Variants in TRPT1 observed in about 807,000 individuals in gnomAD.
TRPT1 encodes the protein tRNA phosphotransferase 1, also known as tRNA 2'-phosphotransferase 1.
In TRPT1, 22 loss-of-function variants were observed where a neutral mutation model predicts 28.4. That is an observed-to-expected ratio of 0.78 (90% CI 0.55 to 1.11). The LOEUF is 1.11. TRPT1 is among the 50% of genes least tolerant of loss of function. The pLI, the probability that TRPT1 is intolerant of heterozygous loss-of-function variation, is 0.00. For synonymous variants in TRPT1, 137 were observed against 132.4 expected (o/e 1.03, Z -0.24); for missense variants, 308 against 317.7 (o/e 0.97, Z 0.23).
At chr11:64,225,011 G>A (rs1276961033) in intron 3 of TRPT1, 41 bp from the exon 4 acceptor site, 2 of 1,539,286 alleles carry the variant, frequency 1.3e-6, no homozygotes, top group Non-Finnish European at 1.7e-6. Flanking sequence ...CCTTGCTCTG[G>A]ACTGGGCCAG....
In TRPT1 at chr11:64,224,299, G is replaced by T. The variant is rs1370032646; in HGVS notation, c.545C>A (p.Pro182His). ...HCEIAVFIDG[P>H]LALADGIPFF... ...TCCAGACTCACCTGCCAGAGCCAGGGGTCCATCGATGAACACAGCTATTTC... is the reference window on the plus strand; with the variant it reads ...TCCAGACTCACCTGCCAGAGCCAGGTGTCCATCGATGAACACAGCTATTTC... Residue 182 changes from proline (P) to histidine (H), a missense_variant, in exon 6 of 8, where the codon CCC (proline) becomes CAC (histidine). Physicochemically the swap from Pro to His is moderately conservative, Grantham distance 77. Transcript: ENST00000317459. 6.2e-7 allele frequency: 1 copy of T among 1,613,822 alleles called. No individual in the cohort carries two copies. The highest frequency in any genetic ancestry group is 2.2e-5 in the East Asian group (1 of 44,890).
chr11:64,225,890 G>C, intron 1 of TRPT1, 21 bp from the exon 2 acceptor site: 1 of 1,433,074 alleles, frequency 7.0e-7, no homozygotes, highest in Non-Finnish European at 9.6e-7. Flanking sequence ...CAGTGACGAG[G>C]GGGGACTGCT....
In TRPT1 at chr11:64,223,856, C is replaced by A; in HGVS notation, c.*20G>T. 2.7e-6 allele frequency: 4 copies of A among 1,504,928 alleles called. No individual in the cohort carries two copies. Among genetic ancestry groups the A allele is most frequent in the South Asian group, 1.3e-5 (1 of 79,458 alleles). 93.2% of individuals were successfully genotyped at this position (1,504,928 alleles called of 1,614,324 possible). ...TCTTTCTTGTTACTTTTTAAAATTT[C>A]TTTTTTATAAATTAATATTTTATTG... On this transcript the variant is annotated 3_prime_UTR_variant, in exon 8 of 8. Coordinates refer to ENST00000317459, the MANE Select transcript of TRPT1 (RefSeq NM_001033678.4).
rs772104416 is a variant in TRPT1, at chr11:64,224,128, G to T, written c.642C>A (p.Phe214Leu). The T allele has an allele frequency of 6.2e-7, 1 of 1,607,814 alleles. No individual in the cohort carries two copies. Among genetic ancestry groups the T allele is most frequent in the East Asian group, 2.2e-5 (1 of 44,772 alleles). The change falls in exon 7 of 8, where the codon TTC becomes TTA. Residue 214 changes from phenylalanine (F) to leucine (L), a missense_variant. By Grantham distance (22) the Phe-to-Leu change is conservative (BLOSUM62 0). Coordinates refer to ENST00000317459, the MANE Select transcript of TRPT1 (RefSeq NM_001033678.4). ...TAGGGCGTAGCTGCAGGGCCTCCTT[G>T]AAGTACTTGGGAAGGAGGAAGCCAT... Reference protein sequence around the residue: ...NTDGFLLPKYFKEALQLRPTR... With the variant: ...NTDGFLLPKYLKEALQLRPTR...
intron 3 of TRPT1, chr11:64,225,230 C>T (rs577743805): frequency 1.6e-6 from 1 of 611,220 alleles, no homozygotes. Flanking sequence ...CCAGCTGCAC[C>T]GTATCCTCCA....
At position 64,224,610 on chromosome 11, in the gene TRPT1, C is replaced by G. The variant is rs777222441; in HGVS notation, c.435G>C (p.Leu145=). Residue 145 remains leucine, a synonymous_variant, in exon 5 of 8, where the codon CTG becomes CTC. Transcript: ENST00000317459. The part of the protein sequence containing the change: ...KHWPSILLKG[L]SCQGRTHIHL... ...GAATGTGCGTCCTTCCCTGGCAGGACAGGCCTTTGAGTAGGATGGATGGCC... is the reference window on the plus strand; with the variant it reads ...GAATGTGCGTCCTTCCCTGGCAGGAGAGGCCTTTGAGTAGGATGGATGGCC... 63 of 1,605,028 alleles carry G rather than the reference C, an allele frequency of 3.9e-5. No homozygotes were observed. Among genetic ancestry groups the G allele is most frequent in the Non-Finnish European group, 5.2e-5 (61 of 1,174,966 alleles).
chr11:64,225,515 C>T lies in TRPT1; in HGVS notation c.141G>A (p.Gly47=). 2.5e-6 allele frequency: 4 copies of T among 1,613,094 alleles called. No homozygotes were observed. The highest frequency in any genetic ancestry group is 3.4e-6 in the Non-Finnish European group (4 of 1,179,716). Residue 47 remains glycine, a synonymous_variant, in exon 3 of 8, where the codon GGG becomes GGA. Coordinates refer to ENST00000317459, the MANE Select transcript of TRPT1 (RefSeq NM_001033678.4). ...CCTACTTACCAGCTCCCATGGGAAG[C>T]CCCAGCTTCAAGGCCCCATGGCGCA... The part of the protein sequence containing the change: ...YALRHGALKL[G]LPMGADGFVP...
In TRPT1 at chr11:64,224,655, A is replaced by G; in HGVS notation, c.390T>C (p.His130=). 3.1e-6 allele frequency: 5 copies of G among 1,607,650 alleles called. No homozygotes were observed. The highest frequency in any genetic ancestry group is 4.3e-6 in the Non-Finnish European group (5 of 1,176,250). ...ATGGCCAGTGCTTCCAGAATGTACC[A>G]TGGACTAGCATCGGGGGCAGGGCCT... ...TPQALPPMLV[H]GTFWKHWPSI... is the part of the protein sequence containing the mutation. Residue 130 remains histidine (H), a synonymous_variant, in exon 5 of 8, where the codon CAT becomes CAC. Transcript: ENST00000317459.
Position 64,224,287 on chromosome 11 carries a change from G to A in TRPT1, c.557C>T (p.Ala186Val), listed in dbSNP as rs1362185005. Residue 186 changes from alanine (A) to valine (V), a missense_variant and splice_region_variant, in exon 6 of 8, where the codon GCA (alanine) becomes GTA (valine). Physicochemically the swap from Ala to Val is moderately conservative, Grantham distance 64. Coordinates refer to ENST00000317459, the MANE Select transcript of TRPT1 (RefSeq NM_001033678.4). ...GCTCCTGCTTTGTCCAGACTCACCT[G>A]CCAGAGCCAGGGGTCCATCGATGAA... ...AVFIDGPLAL[A>V]DGIPFFRSAN... The A allele has an allele frequency of 3.7e-6, 6 of 1,613,862 alleles. No individual in the cohort carries two copies. The highest frequency in any genetic ancestry group is 5.1e-6 in the Non-Finnish European group (6 of 1,180,022).
rs1371280428 is a variant in TRPT1 at position 64,224,987 on chromosome 11, T to C, written c.158-17A>G. 2 of 1,549,208 alleles carry C rather than the reference T, an allele frequency of 1.3e-6. No individual in the cohort carries two copies. Among genetic ancestry groups the C allele is most frequent in the East Asian group, 2.4e-5 (1 of 41,166 alleles). Reference sequence around the variant, plus strand: ...CGAAGCCATCTGTGGGCAGGCAGGGTGCTCAGGAGCTAACCTTGCTCTGGA... The same window carrying C: ...CGAAGCCATCTGTGGGCAGGCAGGGCGCTCAGGAGCTAACCTTGCTCTGGA... On this transcript the variant is annotated splice_polypyrimidine_tract_variant and intron_variant, in intron 3 of 7. Transcript: ENST00000317459.
At position 64,225,879 on chromosome 11, in the gene TRPT1, G is replaced by T. The variant is rs748873151; in HGVS notation, c.-9-10C>A. On this transcript the variant is annotated splice_polypyrimidine_tract_variant and intron_variant, in intron 1 of 7. Transcript: ENST00000317459. ...AGTTCATGGTTAAGACCTGTGGGGGGCAGTGACGAGGGGGGACTGCTTTAA... is the reference window on the plus strand; with the variant it reads ...AGTTCATGGTTAAGACCTGTGGGGGTCAGTGACGAGGGGGGACTGCTTTAA... The T allele has an allele frequency of 2.0e-6, 3 of 1,517,994 alleles. No homozygotes were observed. The highest frequency in any genetic ancestry group is 1.8e-6 in the Non-Finnish European group (2 of 1,116,552). 94.0% of individuals were successfully genotyped at this position (1,517,994 alleles called of 1,614,324 possible). A position where few individuals can be genotyped will look rare whatever the true frequency, so the allele number is the denominator to read the frequency against.
rs1192743166 is a variant in TRPT1 at position 64,225,540 on chromosome 11, A to T, written c.116T>A (p.Leu39Gln). 2 of 1,612,978 alleles carry T rather than the reference A, an allele frequency of 1.2e-6. No homozygotes were observed. Among genetic ancestry groups the T allele is most frequent in the Non-Finnish European group, 1.7e-6 (2 of 1,179,696 alleles). Reference sequence around the variant, plus strand: ...CCCCAGCTTCAAGGCCCCATGGCGCAGGGCATAGGACAGAGCCTTGGACAG... The same window carrying T: ...CCCCAGCTTCAAGGCCCCATGGCGCTGGGCATAGGACAGAGCCTTGGACAG... ...VQLSKALSYALRHGALKLGLP... is the reference protein window; with the variant it reads ...VQLSKALSYAQRHGALKLGLP... Residue 39 changes from leucine to glutamine, a missense_variant, in exon 3 of 8, where the codon CTG (leucine) becomes CAG (glutamine). Physicochemically the swap from Leu to Gln is moderately radical, Grantham distance 113. Coordinates refer to ENST00000317459, the MANE Select transcript of TRPT1 (RefSeq NM_001033678.4).
rs370437558 is a variant in TRPT1 at position 64,225,661 on chromosome 11, CAG to C, written c.76-83_76-82del. On this transcript the variant is annotated intron_variant, in intron 2 of 7. Transcript: ENST00000317459. ...ATCCTGAACCCTCAATGACCCACTG[CAG>C]AGAGAGCCCAGAGAGAAAGGAGTGC... The C allele has an allele frequency of 6.6e-4, 955 of 1,449,532 alleles. 19 individuals carry two copies. In the South Asian group the frequency reaches 0.01, roughly 16 times the overall value. The allele number at this position is 1,449,532 out of a possible 1,614,324, so 89.8% of individuals were successfully genotyped here. A position where few individuals can be genotyped will look rare whatever the true frequency, so the allele number is the denominator to read the frequency against.
At chr11:64,225,656 C>T in intron 2 of TRPT1, 76 bp from the exon 3 acceptor site, 1 of 1,468,052 alleles carries the variant, frequency 6.8e-7, no homozygotes, top group Middle Eastern at 1.7e-4. Context: ...CTCAATGACC[C>T]ACTGCAGAGA....
chr11:64,224,797 C>T lies in TRPT1; in HGVS notation c.327+4G>A, dbSNP rs201754988. 17 of 1,613,436 alleles carry T rather than the reference C, an allele frequency of 1.1e-5. No individual in the cohort carries two copies. Among genetic ancestry groups the T allele is most frequent in the Admixed American group, 3.3e-5 (2 of 59,976 alleles). On this transcript the variant is annotated splice_donor_region_variant and intron_variant, in intron 4 of 7. Transcript: ENST00000317459. ...TCGTCTCGCACTTGTCCCCTCACCC[C>T]GACCTGCAGGGAATGGCCCTGGTTG...
Position 64,224,162 on chromosome 11 carries a change from C to T in TRPT1, c.608G>A (p.Gly203Glu). ...RSANGVILTP[G>E]NTDGFLLPKY... is the part of the protein sequence containing the mutation. ...GGGAAGGAGGAAGCCATCAGTATTC[C>T]CTGGAGTCAGAATCACCCCATTGGC... Residue 203 changes from glycine (G) to glutamate (E), a missense_variant, in exon 7 of 8, where the codon GGG (glycine) becomes GAG (glutamate). By Grantham distance (98) the Gly-to-Glu change is moderately conservative. Transcript: ENST00000317459. 6.2e-7 allele frequency: 1 copy of T among 1,607,416 alleles called. No individual in the cohort carries two copies. Among genetic ancestry groups the T allele is most frequent in the Non-Finnish European group, 8.5e-7 (1 of 1,175,600 alleles).
In TRPT1 at chr11:64,224,831, GAGA is replaced by G. The variant is rs1413896255; in HGVS notation, c.294_296del (p.Leu99del). On this transcript the variant is annotated inframe_deletion, in exon 4 of 8. Coordinates refer to ENST00000317459, the MANE Select transcript of TRPT1 (RefSeq NM_001033678.4). ...GGGAATGGCCCTGGTTGGCCCGGAT[GAGA>G]AGGCCAGTGCTGGGATCCCCCAGCT... The G allele has an allele frequency of 3.7e-6, 6 of 1,613,680 alleles. No homozygotes were observed. The South Asian group carries it at 4.4e-5, about 12-fold the overall frequency.
rs759166994 is a variant in TRPT1, at chr11:64,225,530, C to G, written c.126G>C (p.Gly42=). 3.1e-6 allele frequency: 5 copies of G among 1,613,074 alleles called. No homozygotes were observed. The African/African-American group carries it at 4.0e-5, about 13-fold the overall frequency. The change falls in exon 3 of 8, where the codon GGG becomes GGC. Residue 42 remains glycine (G), a synonymous_variant. Transcript: ENST00000317459. ...SKALSYALRH[G]ALKLGLPMGA... ...CCATGGGAAGCCCCAGCTTCAAGGC[C>G]CCATGGCGCAGGGCATAGGACAGAG...
chr11:64,225,541 G>C lies in TRPT1; in HGVS notation c.115C>G (p.Leu39Val), dbSNP rs578254335. 2 of 1,613,090 alleles carry C rather than the reference G, an allele frequency of 1.2e-6. No homozygotes were observed. Among genetic ancestry groups the C allele is most frequent in the East Asian group, 2.2e-5 (1 of 44,858 alleles). ...VQLSKALSYA[L>V]RHGALKLGLP... The stretch of plus-strand genomic sequence containing the variant: ...CCCAGCTTCAAGGCCCCATGGCGCA[G>C]GGCATAGGACAGAGCCTTGGACAGC... The change falls in exon 3 of 8, where the codon CTG becomes GTG. Residue 39 changes from leucine (L) to valine (V), a missense_variant. Coordinates refer to ENST00000317459, the MANE Select transcript of TRPT1 (RefSeq NM_001033678.4).
Sources: allele counts gnomAD v4.1 joint callset, GRCh38; gene constraint gnomAD v4.1.1; transcripts MANE v1.5; gene names NCBI Gene and HGNC (gene_info 2026-07-23, HGNC 2026-07-21).